Variants in FLYWCH2 observed in about 807,000 individuals in gnomAD.
FLYWCH2 encodes FLYWCH family member 2.
Under a neutral mutation model 6.0 loss-of-function variants are expected in FLYWCH2, and 2 were observed. The observed-to-expected ratio is 0.33, with a 90% CI of 0.14 to 1.04. The LOEUF (loss-of-function observed/expected upper bound fraction) is 1.04, where lower values mean the gene tolerates loss of function less well. FLYWCH2 is among the 50% of genes least tolerant of loss of function. FLYWCH2 has a pLI of 0.45. For synonymous variants in FLYWCH2, 87 were observed against 79.3 expected (o/e 1.10, Z -0.52); for missense variants, 192 against 183.4 (o/e 1.05, Z -0.27).
At chr16:2,886,190 T>A (rs9935754) in intron 1 of FLYWCH2, among the ~76,000 whole-genome samples, 42,912 of 151,728 alleles carry the variant, frequency 0.28, 6,126 homozygotes, top group African/African-American at 0.31. Flanking sequence ...TGTTATTATT[T>A]TTTTTTTTTA....
intron 1 of FLYWCH2, among the ~76,000 whole-genome samples, chr16:2,889,912 G>A (rs530861240): frequency 2.0e-5 from 3 of 152,074 alleles, no homozygotes; most frequent in Non-Finnish European, 4.4e-5. Flanking sequence ...TGGTGAAACC[G>A]TGTCTCTATT....
intron 1 of FLYWCH2, among the ~76,000 whole-genome samples, chr16:2,886,629 C>G (rs1206326620): frequency 1.4e-5 from 2 of 143,250 alleles, no homozygotes; most frequent in East Asian, 4.2e-4. Context: ...TCAAGCAATT[C>G]TCCTGTCTCA....
chr16:2,896,712 A>C lies in FLYWCH2; in HGVS notation c.263A>C (p.Gln88Pro). The change falls in exon 3 of 4, where the codon CAG becomes CCG. Residue 88 changes from glutamine to proline, a missense_variant. By Grantham distance (76) the Gln-to-Pro change is moderately conservative. Transcript: ENST00000396958. ...KALLQTHPEA[Q>P]RAIEAAPQEP... ...CTCCTCCAGACCCACCCCGAGGCCC[A>C]GCGGGCCATTGAGGCAGCCCCTCAG... 1 of 1,612,502 alleles carries C rather than the reference A, an allele frequency of 6.2e-7. No individual in the cohort carries two copies. Among genetic ancestry groups the C allele is most frequent in the Admixed American group, 1.7e-5 (1 of 60,000 alleles).
chr16:2,891,898 T>C (rs1407589892), intron 1 of FLYWCH2, among the ~76,000 whole-genome samples: 1 of 151,480 alleles, frequency 6.6e-6, no homozygotes, highest in Non-Finnish European at 1.5e-5. Flanking sequence ...CCCAAAGAAC[T>C]CAAGGAAACA....
At chr16:2,887,950 G>A (rs1169600605) in intron 1 of FLYWCH2, among the ~76,000 whole-genome samples, 3 of 151,780 alleles carry the variant, frequency 2.0e-5, no homozygotes, top group Non-Finnish European at 2.9e-5. Flanking sequence ...ATATATAAGA[G>A]TGTATTTCTG....
chr16:2,894,729 T>C (rs2069798446), intron 1 of FLYWCH2, among the ~76,000 whole-genome samples: 1 of 152,146 alleles, frequency 6.6e-6, no homozygotes. Flanking sequence ...GGTGGGGGCT[T>C]CACATCTGCT....
Position 2,896,719 on chromosome 16 carries a change from C to T in FLYWCH2, c.270C>T (p.Ala90=). 1 of 1,612,372 alleles carries T rather than the reference C, an allele frequency of 6.2e-7. No individual in the cohort carries two copies. Among genetic ancestry groups the T allele is most frequent in the Non-Finnish European group, 8.5e-7 (1 of 1,179,892 alleles). ...AGACCCACCCCGAGGCCCAGCGGGCCATTGAGGCAGCCCCTCAGGAGCCTG... is the reference window on the plus strand; with the variant it reads ...AGACCCACCCCGAGGCCCAGCGGGCTATTGAGGCAGCCCCTCAGGAGCCTG... ...LLQTHPEAQR[A]IEAAPQEPEQ... is the part of the protein sequence containing the mutation. Residue 90 remains alanine, a synonymous_variant, in exon 3 of 4, where the codon GCC becomes GCT. Transcript: ENST00000396958.
At chr16:2,893,019 T>TACACACAC (rs144253671) in intron 1 of FLYWCH2, among the ~76,000 whole-genome samples, 3 of 146,040 alleles carry the variant, frequency 2.1e-5, no homozygotes, top group African/African-American at 5.0e-5. Flanking sequence ...TTTATATATA[T>TACACACAC]ACACACACAC....
At chr16:2,884,460 C>T (rs933787335) in intron 1 of FLYWCH2, among the ~76,000 whole-genome samples, 1 of 148,492 alleles carries the variant, frequency 6.7e-6, no homozygotes, top group African/African-American at 2.5e-5. Context: ...CGGTGGTTCA[C>T]GCCTGTAATC....
At chr16:2,884,502 C>A (rs1424382887) in intron 1 of FLYWCH2, among the ~76,000 whole-genome samples, 1 of 131,592 alleles carries the variant, frequency 7.6e-6, no homozygotes, top group African/African-American at 2.9e-5. Flanking sequence ...GCAGGCAGAT[C>A]ACAAGGTCAG....
At chr16:2,891,861 C>G (rs1274823573) in intron 1 of FLYWCH2, among the ~76,000 whole-genome samples, 1 of 152,028 alleles carries the variant, frequency 6.6e-6, no homozygotes, top group Non-Finnish European at 1.5e-5. Context: ...TGACCCCTTC[C>G]TTGGGTTAAA....
chr16:2,894,656 T>G (rs970615427), intron 1 of FLYWCH2, among the ~76,000 whole-genome samples: 4 of 152,182 alleles, frequency 2.6e-5, no homozygotes, highest in African/African-American at 9.6e-5. Context: ...TACTCTGCAG[T>G]CATGTGACTC....
At position 2,894,873 on chromosome 16, in the gene FLYWCH2, G is replaced by C. The variant is rs945016294; in HGVS notation, c.-199-347G>C. The stretch of plus-strand genomic sequence containing the variant: ...GAAAAAGCGCCAGGGTGCTGGGCAT[G>C]GACCCCTCAGGACAGACGCATTGGG... On this transcript the variant is annotated intron_variant, in intron 1 of 3. Transcript: ENST00000396958. 1.6e-4 allele frequency among the ~76,000 whole-genome samples: 25 copies of C among 152,166 alleles called. 1 individual carries two copies. The highest frequency in any genetic ancestry group is 6.5e-5 in the Admixed American group (1 of 15,270).
intron 1 of FLYWCH2, among the ~76,000 whole-genome samples, chr16:2,885,088 C>T (rs1380725196): frequency 7.2e-5 from 11 of 152,060 alleles, no homozygotes; most frequent in Non-Finnish European, 1.3e-4. Context: ...TTTGGGAGGC[C>T]AAGGAGGGCG....
chr16:2,886,237 G>T (rs147941487), intron 1 of FLYWCH2, among the ~76,000 whole-genome samples: 1 of 151,804 alleles, frequency 6.6e-6, no homozygotes, highest in African/African-American at 2.4e-5. Context: ...CTGCAGTGCA[G>T]TGTAGTGCAG....
intron 3 of FLYWCH2, 48 bp from the exon 4 acceptor site, chr16:2,899,001 C>T (rs375468185): frequency 2.5e-5 from 38 of 1,496,018 alleles, no homozygotes; most frequent in Non-Finnish European, 3.1e-5. Context: ...CAAGCTGAGC[C>T]CTCCCATCTC....
At chr16:2,888,481 C>G (rs1596336001) in intron 1 of FLYWCH2, among the ~76,000 whole-genome samples, 1 of 87,996 alleles carries the variant, frequency 1.1e-5, no homozygotes, top group Non-Finnish European at 2.2e-5. Context: ...TTGTCAGTTT[C>G]TCCAAAAAAA....
At chr16:2,895,717 G>C (rs755673238) in intron 2 of FLYWCH2, among the ~76,000 whole-genome samples, 1 of 152,270 alleles carries the variant, frequency 6.6e-6, no homozygotes, top group African/African-American at 2.4e-5. Flanking sequence ...GCCAGCTGCA[G>C]TGCTATGGTC....
chr16:2,884,574 A>AAAAAAAAAAAAAC (rs1183267272), intron 1 of FLYWCH2, among the ~76,000 whole-genome samples: 3 of 144,510 alleles, frequency 2.1e-5, no homozygotes, highest in South Asian at 2.2e-4. Flanking sequence ...AAAAAAAAAA[A>AAAAAAAAAAAAAC]AAATACAAAA....
Sources: gnomAD v4.1 joint callset for allele counts (sites outside exome capture counted in the v4.1 genomes callset) on GRCh38, gnomAD v4.1.1 for gene constraint, MANE v1.5 for transcripts, NCBI Gene and HGNC (gene_info 2026-07-23, HGNC 2026-07-21) for gene names.